KLRC1: variants seen among roughly 807,000 people sequenced by gnomAD.
KLRC1 encodes killer cell lectin like receptor C1.
Under a neutral mutation model 25.9 loss-of-function variants are expected in KLRC1, and 22 were observed. The ratio of observed to expected loss-of-function variants is 0.85; its 90% CI spans 0.61 to 1.21. The LOEUF is 1.21. KLRC1 is among the 50% of genes most tolerant of loss of function. The pLI is 0.00. For missense variants in KLRC1, 240 were observed against 272.2 expected (o/e 0.88, Z 0.83); for synonymous variants, 77 against 93.1 (o/e 0.83, Z 0.99).
At position 10,451,025 on chromosome 12, in the gene KLRC1, G is replaced by C. The variant is rs747051024; in HGVS notation, c.132C>G (p.Asn44Lys). 1.2e-6 allele frequency: 2 copies of C among 1,613,806 alleles called. No individual in the cohort carries two copies. Among genetic ancestry groups the C allele is most frequent in the African/African-American group, 2.7e-5 (2 of 74,914 alleles). Reference sequence around the variant, plus strand: ...GAAAATCCTGAGAAGCTTTTTGAAGGTTTAATTCCGCATAGGTTATTTCCT... The same window carrying C: ...GAAAATCCTGAGAAGCTTTTTGAAGCTTTAATTCCGCATAGGTTATTTCCT... The part of the protein sequence containing the change: ...TEQEITYAEL[N>K]LQKASQDFQG... Residue 44 changes from asparagine (N) to lysine (K), a missense_variant, in exon 2 of 7, where the codon AAC becomes AAG. Coordinates refer to ENST00000359151, the MANE Select transcript of KLRC1 (RefSeq NM_002259.5).
intron 3 of KLRC1, 189 bp from the exon 4 acceptor site, chr12:10,450,156 A>C (rs1460159194): frequency 4.3e-6 from 2 of 466,634 alleles, no homozygotes; most frequent in African/African-American, 4.1e-5. Flanking sequence ...TAAAGAACCA[A>C]ATTTCACCAT....
At chr12:10,451,900 C>CAT (rs1024029233) in intron 1 of KLRC1, among the ~76,000 whole-genome samples, 68 of 151,376 alleles carry the variant, frequency 4.5e-4, no homozygotes, top group Admixed American at 3.3e-3. Context: ...GTAAAGTTGA[C>CAT]ATATATATAT....
In KLRC1 at chr12:10,451,040, G is replaced by A. The variant is rs368777615; in HGVS notation, c.117C>T (p.Thr39=). 7.4e-6 allele frequency: 12 copies of A among 1,613,886 alleles called. No individual in the cohort carries two copies. The African/African-American group carries it at 1.3e-4, about 18-fold the overall frequency. ...CTTTTTGAAGGTTTAATTCCGCATA[G>A]GTTATTTCCTGTTCAGTTGCTAAAA... ...NSILATEQEI[T]YAELNLQKAS... The change falls in exon 2 of 7, where the codon ACC becomes ACT. Residue 39 remains threonine, a synonymous_variant. Coordinates refer to ENST00000359151, the MANE Select transcript of KLRC1 (RefSeq NM_002259.5).
In KLRC1 at chr12:10,446,495, CTA is replaced by C. The variant is rs1453628394; in HGVS notation, c.*54_*55del. ...AGATTTATGCAATCATAATATATTT[CTA>C]TTTTAAGAAATATACAATTTATCTG... is the stretch of plus-strand genomic sequence containing the variant. On this transcript the variant is annotated 3_prime_UTR_variant, in exon 7 of 7. Coordinates refer to ENST00000359151, the MANE Select transcript of KLRC1 (RefSeq NM_002259.5). 2.0e-6 allele frequency: 3 copies of C among 1,530,494 alleles called. No homozygotes were observed. The African/African-American group carries it at 4.2e-5, about 22-fold the overall frequency. The allele number at this position is 1,530,494 out of a possible 1,614,324, so 94.8% of individuals were successfully genotyped here.
chr12:10,446,871 T>G (rs1320932617), intron 6 of KLRC1, among the ~76,000 whole-genome samples: 1 of 152,220 alleles, frequency 6.6e-6, no homozygotes, highest in Non-Finnish European at 1.5e-5. Context: ...AGTGGATGCC[T>G]GAAACGGCAG....
intron 1 of KLRC1, among the ~76,000 whole-genome samples, chr12:10,452,523 C>T (rs1327281721): frequency 6.6e-6 from 1 of 152,116 alleles, no homozygotes; most frequent in Non-Finnish European, 1.5e-5. Context: ...ATTTACCACT[C>T]AACCTGGCAC....
At chr12:10,453,711 T>A (rs950786238), upstream of KLRC1, among the ~76,000 whole-genome samples, 2 of 152,172 alleles carry the variant, frequency 1.3e-5, no homozygotes, top group Non-Finnish European at 2.9e-5. Context: ...ATAGAAAACA[T>A]TCTAAAACTC....
chr12:10,446,781 T>A lies in KLRC1; in HGVS notation c.591-119A>T, dbSNP rs1201767262. The A allele has an allele frequency of 1.1e-5, 14 of 1,219,450 alleles. No individual in the cohort carries two copies. The Admixed American group carries it at 2.7e-4, about 24-fold the overall frequency. The allele number at this position is 1,219,450 out of a possible 1,614,324, so 75.5% of individuals were successfully genotyped here. On this transcript the variant is annotated intron_variant, in intron 6 of 6. Transcript: ENST00000359151. ...TGGAAAAGGGTAATTAAATTTTTCA[T>A]AATATTAGTAAGAGTCATTATTCTG...
chr12:10,443,224 T>C (rs1457340422), downstream of KLRC1, among the ~76,000 whole-genome samples: 2 of 141,812 alleles, frequency 1.4e-5, no homozygotes, highest in Non-Finnish European at 3.1e-5. Context: ...GATGTCATTA[T>C]TATGCACTGC....
downstream of KLRC1, chr12:10,442,351 C>A (rs1418306911): frequency 2.3e-5 from 10 of 435,262 alleles, no homozygotes; most frequent in Admixed American, 7.1e-5. Flanking sequence ...CATAAGGGAA[C>A]AACAGAGTTT....
rs1400020244 is a variant in KLRC1 at position 10,449,424 on chromosome 12, T to C, written c.338-36A>G. 5.6e-6 allele frequency: 9 copies of C among 1,595,936 alleles called. No homozygotes were observed. The Admixed American group carries it at 1.1e-4, about 19-fold the overall frequency. On this transcript the variant is annotated intron_variant, in intron 4 of 6. Coordinates refer to ENST00000359151, the MANE Select transcript of KLRC1 (RefSeq NM_002259.5). ...ATATGAATTACTATCTAGACCAATA[T>C]GAATTTTTAAAAATGAAAATTAGTT... is the stretch of plus-strand genomic sequence containing the variant.
rs1442165529 is a variant in KLRC1, at chr12:10,446,642, G to C, written c.611C>G (p.Ala204Gly). The change falls in exon 7 of 7, where the codon GCT (alanine) becomes GGT (glycine). Residue 204 changes from alanine (A) to glycine (G), a missense_variant. By Grantham distance (60) the Ala-to-Gly change is moderately conservative. Transcript: ENST00000359151. ...FKHEIKDSDN[A>G]ELNCAVLQVN... ...TTGTAGCACTGCACAGTTAAGTTCAGCATTATCTGAGTCTTTTATCCTGTA... is the reference window on the plus strand; with the variant it reads ...TTGTAGCACTGCACAGTTAAGTTCACCATTATCTGAGTCTTTTATCCTGTA... 1 of 1,613,854 alleles carries C rather than the reference G, an allele frequency of 6.2e-7. No individual in the cohort carries two copies. Among genetic ancestry groups the C allele is most frequent in the Non-Finnish European group, 8.5e-7 (1 of 1,179,830 alleles).
Position 10,446,490 on chromosome 12 carries a change from T to C in KLRC1, c.*61A>G, listed in dbSNP as rs949355838. ...TTTTAAGATTTATGCAATCATAATA[T>C]ATTTCTATTTTAAGAAATATACAAT... is the stretch of plus-strand genomic sequence containing the variant. On this transcript the variant is annotated 3_prime_UTR_variant, in exon 7 of 7. Transcript: ENST00000359151. The C allele has an allele frequency of 9.2e-6, 14 of 1,521,824 alleles. No homozygotes were observed. The highest frequency in any genetic ancestry group is 4.3e-5 in the African/African-American group (3 of 70,494). 94.3% of individuals were successfully genotyped at this position (1,521,824 alleles called of 1,614,324 possible).
intron 1 of KLRC1, among the ~76,000 whole-genome samples, chr12:10,451,514 G>A (rs999978689): frequency 4.6e-5 from 7 of 152,048 alleles, no homozygotes. Context: ...AAAGTAGTCG[G>A]GCATGATGTC....
At chr12:10,450,675 A>C in intron 2 of KLRC1, 96 bp from the exon 3 acceptor site, 1 of 781,584 alleles carries the variant, frequency 1.3e-6, no homozygotes, top group Non-Finnish European at 2.1e-6. Context: ...CAGGAATCAT[A>C]CAGAGAAACT....
downstream of KLRC1, among the ~76,000 whole-genome samples, chr12:10,443,332 G>C (rs1392466442): frequency 1.4e-5 from 2 of 139,810 alleles, no homozygotes; most frequent in African/African-American, 2.8e-5. Context: ...GGAAAGATGA[G>C]GATAAAATAT....
chr12:10,450,063 G>T, intron 3 of KLRC1, 96 bp from the exon 4 acceptor site: 2 of 959,702 alleles, frequency 2.1e-6, no homozygotes, highest in Non-Finnish European at 2.9e-6. Flanking sequence ...ATTATTTAGA[G>T]TTAGAATAAT....
downstream of KLRC1, among the ~76,000 whole-genome samples, chr12:10,443,577 A>C (rs1863938622): frequency 7.0e-6 from 1 of 141,984 alleles, no homozygotes; most frequent in South Asian, 2.2e-4. Context: ...TGGGATTTTA[A>C]ACCCTTTTCT....
chr12:10,448,316 G>A lies in KLRC1; in HGVS notation c.490-684C>T, dbSNP rs573231805. Among the ~76,000 whole-genome samples the A allele has an allele frequency of 8.5e-5, 13 of 152,260 alleles. No individual in the cohort carries two copies. The East Asian group carries it at 2.3e-3, about 27-fold the overall frequency. On this transcript the variant is annotated intron_variant, in intron 5 of 6. Transcript: ENST00000359151. ...CCACACGACAGAAGAAGGTGACCTA[G>A]GCCTGCTGTTTCCCTACACCCAACC...
Sources: gnomAD v4.1 joint callset for allele counts (sites outside exome capture counted in the v4.1 genomes callset) on GRCh38, gnomAD v4.1.1 for gene constraint, MANE v1.5 for transcripts, NCBI Gene and HGNC (gene_info 2026-07-23, HGNC 2026-07-21) for gene names.